Variants in CNTN4 observed in about 807,000 individuals in gnomAD.
CNTN4 encodes contactin-4.
Under a neutral mutation model 122.5 loss-of-function variants are expected in CNTN4, and 77 were observed. That is an observed-to-expected ratio of 0.63 (90% CI 0.52 to 0.76). The LOEUF is 0.76. CNTN4 is among the 30% of genes least tolerant of loss of function. The pLI is 0.00. For synonymous variants in CNTN4, 512 were observed against 447.0 expected, an observed-to-expected ratio of 1.15 and a Z score of -1.83; for missense variants, 1,256 against 1,259.1, an observed-to-expected ratio of 1.00 and a Z score of 0.04.
intron 3 of CNTN4, among the ~76,000 whole-genome samples, chr3:2,422,407 ATGT>A (rs2047651071): frequency 1.3e-5 from 2 of 152,242 alleles, no homozygotes; most frequent in East Asian, 3.9e-4. Context: ...CTCCAAACAG[ATGT>A]TGTCATTTTC....
chr3:2,176,491 C>G (rs954724309), intron 2 of CNTN4, among the ~76,000 whole-genome samples: 19 of 151,890 alleles, frequency 1.3e-4, no homozygotes, highest in Non-Finnish European at 2.9e-5. Flanking sequence ...TTCCTTGAGT[C>G]TATTCATTAA....
At position 2,549,056 on chromosome 3, in the gene CNTN4, C is replaced by A. The variant is rs565983921; in HGVS notation, c.-88-22360C>A. Among the ~76,000 whole-genome samples, 58 of 152,266 alleles carry A rather than the reference C, an allele frequency of 3.8e-4. 2 individuals carry two copies. The East Asian group carries it at 9.3e-3, about 24-fold the overall frequency. On this transcript the variant is annotated intron_variant, in intron 3 of 24. Coordinates refer to ENST00000418658, the MANE Select transcript of CNTN4 (RefSeq NM_175607.3). ...CTGTGACTTTGCTGAAGTTGCTGAT[C>A]AGCTTAAGGAGATTTGGAGCTGAGA...
chr3:2,400,713 G>A (rs969824364), intron 3 of CNTN4, among the ~76,000 whole-genome samples: 1 of 150,878 alleles, frequency 6.6e-6, no homozygotes, highest in African/African-American at 2.4e-5. Flanking sequence ...TTGAAGTGTT[G>A]TACCTATAAG....
chr3:2,742,121 A>C (rs763782676), intron 5 of CNTN4, among the ~76,000 whole-genome samples: 2 of 152,152 alleles, frequency 1.3e-5, no homozygotes, highest in Non-Finnish European at 2.9e-5. Context: ...TTCAGTCTTC[A>C]GGCTGAATTT....
intron 3 of CNTN4, among the ~76,000 whole-genome samples, chr3:2,478,618 G>A (rs2075898303): frequency 6.6e-6 from 1 of 151,934 alleles, no homozygotes; most frequent in African/African-American, 2.4e-5. Flanking sequence ...AGTTTGTGTT[G>A]TTCCCCACCA....
chr3:2,219,737 C>T lies in CNTN4; in HGVS notation c.-145+119098C>T, dbSNP rs566009789. Among the ~76,000 whole-genome samples the T allele has an allele frequency of 2.6e-5, 4 of 151,446 alleles. No homozygotes were observed. In the East Asian group the frequency reaches 7.7e-4, roughly 29 times the overall value. ...TTACTTAGAACTCATAATAGTTATT[C>T]ACATTTCAGCCTGATTTAAGCATTA... On this transcript the variant is annotated intron_variant, in intron 2 of 24. Coordinates refer to ENST00000418658, the MANE Select transcript of CNTN4 (RefSeq NM_175607.3).
At chr3:2,829,668 G>T (rs1423273544) in intron 7 of CNTN4, among the ~76,000 whole-genome samples, 1 of 152,130 alleles carries the variant, frequency 6.6e-6, no homozygotes, top group Non-Finnish European at 1.5e-5. Flanking sequence ...AAAACAACTT[G>T]AATGTTTCAT....
chr3:2,717,889 T>A (rs1364393886), intron 4 of CNTN4, among the ~76,000 whole-genome samples: 1 of 152,244 alleles, frequency 6.6e-6, no homozygotes, highest in Admixed American at 6.5e-5. Flanking sequence ...GCTATCTCAT[T>A]TGATTTGCAT....
intron 2 of CNTN4, among the ~76,000 whole-genome samples, chr3:2,158,424 A>C (rs2035814733): frequency 6.6e-6 from 1 of 152,224 alleles, no homozygotes; most frequent in Admixed American, 6.5e-5. Context: ...TTGTGGTCTC[A>C]ACCACTGGTA....
chr3:2,769,863 A>T (rs1243351498), intron 6 of CNTN4, among the ~76,000 whole-genome samples: 4 of 152,204 alleles, frequency 2.6e-5, no homozygotes, highest in African/African-American at 9.6e-5. Context: ...AAGACAGGCT[A>T]ACTATCTTCA....
intron 7 of CNTN4, among the ~76,000 whole-genome samples, chr3:2,831,753 A>G (rs1424250111): frequency 6.6e-6 from 1 of 152,232 alleles, no homozygotes; most frequent in Non-Finnish European, 1.5e-5. Context: ...GTAGCATTTC[A>G]GAAATATCCA....
At chr3:2,619,101 T>A (rs930681636) in intron 4 of CNTN4, among the ~76,000 whole-genome samples, 1 of 152,234 alleles carries the variant, frequency 6.6e-6, no homozygotes, top group South Asian at 2.1e-4. Context: ...CTTCATAAAG[T>A]GTAAGTTCTT....
chr3:2,763,554 G>T (rs1049081498), intron 6 of CNTN4, among the ~76,000 whole-genome samples: 2 of 152,068 alleles, frequency 1.3e-5, no homozygotes, highest in Admixed American at 1.3e-4. Context: ...TGAAATCTTT[G>T]CCCGTGCCTA....
chr3:2,215,455 T>C (rs148470306), intron 2 of CNTN4, among the ~76,000 whole-genome samples: 2 of 152,338 alleles, frequency 1.3e-5, no homozygotes, highest in East Asian at 1.9e-4. Flanking sequence ...CCTCCTGATA[T>C]AAACATTTCT....
At chr3:2,809,940 G>T (rs2092564345) in intron 6 of CNTN4, among the ~76,000 whole-genome samples, 1 of 152,180 alleles carries the variant, frequency 6.6e-6, no homozygotes, top group South Asian at 2.1e-4. Flanking sequence ...AATAAAAATA[G>T]CCATCAGGAA....
At position 2,428,948 on chromosome 3, in the gene CNTN4, G is replaced by A. The variant is rs528127736; in HGVS notation, c.-89+89715G>A. ...TCAGGTCATTTAAGGACTTCTCTGC[G>A]CTGTTGATTCTAGTTAGCCATTCAT... On this transcript the variant is annotated intron_variant, in intron 3 of 24. Coordinates refer to ENST00000418658, the MANE Select transcript of CNTN4 (RefSeq NM_175607.3). Among the ~76,000 whole-genome samples, 15 of 152,214 alleles carry A rather than the reference G, an allele frequency of 9.9e-5. 1 individual carries two copies. In the East Asian group the frequency reaches 1.7e-3, roughly 18 times the overall value.
intron 3 of CNTN4, among the ~76,000 whole-genome samples, chr3:2,475,737 T>A (rs977608529): frequency 3.3e-5 from 5 of 152,126 alleles, no homozygotes; most frequent in African/African-American, 1.2e-4. Flanking sequence ...ACAACAATAA[T>A]AATAATGCCT....
At chr3:2,185,216 C>T (rs186855657) in intron 2 of CNTN4, among the ~76,000 whole-genome samples, 3 of 152,256 alleles carry the variant, frequency 2.0e-5, no homozygotes, top group Non-Finnish European at 4.4e-5. Flanking sequence ...ATGACTCATC[C>T]ATTCTCTGAA....
At chr3:2,116,839 A>G (rs988048077) in intron 2 of CNTN4, among the ~76,000 whole-genome samples, 4 of 152,140 alleles carry the variant, frequency 2.6e-5, no homozygotes, top group Non-Finnish European at 5.9e-5. Flanking sequence ...CCTCCTTAGA[A>G]TAATCCGGTT....
Sources: gnomAD v4.1 joint callset for allele counts (sites outside exome capture counted in the v4.1 genomes callset) on GRCh38, gnomAD v4.1.1 for gene constraint, MANE v1.5 for transcripts, NCBI Gene and HGNC (gene_info 2026-07-23, HGNC 2026-07-21) for gene names.